PNLIPRP1: variants seen among roughly 807,000 people sequenced by gnomAD.
The protein encoded by PNLIPRP1 is pancreatic lipase related protein 1.
Under a neutral mutation model 54.6 loss-of-function variants are expected in PNLIPRP1, and 57 were observed. That is an observed-to-expected ratio of 1.04 (90% CI 0.84 to 1.30). PNLIPRP1 has a LOEUF of 1.30. PNLIPRP1 is among the 50% of genes most tolerant of loss of function. The pLI, the probability that PNLIPRP1 is intolerant of heterozygous loss-of-function variation, is 0.00. For missense variants in PNLIPRP1, 567 were observed against 568.5 expected, an observed-to-expected ratio of 1.00 and a Z score of 0.03; for synonymous variants, 232 against 208.8, an observed-to-expected ratio of 1.11 and a Z score of -0.96.
chr10:116,603,815 C>A (rs1242523516), intron 10 of PNLIPRP1, among the ~76,000 whole-genome samples: 1 of 152,118 alleles, frequency 6.6e-6, no homozygotes, highest in East Asian at 1.9e-4. Flanking sequence ...ATTACTTGAA[C>A]CTGGGAGGCA....
chr10:116,601,197 C>T lies in PNLIPRP1; in HGVS notation c.1059C>T (p.Phe353=), dbSNP rs138851493. 6.0e-5 allele frequency: 96 copies of T among 1,612,072 alleles called. No individual in the cohort carries two copies. Among genetic ancestry groups the T allele is most frequent in the Admixed American group, 2.2e-4 (13 of 59,480 alleles). The part of the protein sequence containing the change: ...FFLNTGEASN[F]ARWRYGVSIT... ...TGAACACAGGAGAGGCTAGCAATTT[C>T]GCTCGTAAGTTGCACTTTGACTACC... is the stretch of plus-strand genomic sequence containing the variant. Residue 353 remains phenylalanine (F), a synonymous_variant, in exon 10 of 13, where the codon TTC becomes TTT. Coordinates refer to ENST00000358834, the MANE Select transcript of PNLIPRP1 (RefSeq NM_006229.4).
At position 116,608,965 on chromosome 10, in the gene PNLIPRP1, AC is replaced by A; in HGVS notation, c.1341-86del. The A allele has an allele frequency of 3.8e-6, 4 of 1,057,538 alleles. No individual in the cohort carries two copies. The Admixed American group carries it at 6.9e-5, about 18-fold the overall frequency. 65.5% of individuals were successfully genotyped at this position (1,057,538 alleles called of 1,614,324 possible). Reference sequence around the variant, plus strand: ...GGCTTAACCCCTTAAGAAAAACCAAACCAAACCAAACCAAACCAAAACAAAA... The same window carrying A: ...GGCTTAACCCCTTAAGAAAAACCAAACAAACCAAACCAAACCAAAACAAAA... On this transcript the variant is annotated intron_variant, in intron 12 of 12. Transcript: ENST00000358834.
At chr10:116,592,822 T>A (rs1338895513) in intron 4 of PNLIPRP1, 3 of 451,814 alleles carry the variant, frequency 6.6e-6, no homozygotes, top group Non-Finnish European at 8.3e-6. Flanking sequence ...GTACTTTGTA[T>A]CCTATAAGCG....
chr10:116,600,022 C>G (rs1408929029), intron 8 of PNLIPRP1, 25 bp from the exon 9 acceptor site: 1 of 1,502,616 alleles, frequency 6.7e-7, no homozygotes, highest in African/African-American at 1.4e-5. Flanking sequence ...ACCACCTGTT[C>G]AGGTCTCCTT....
rs1847922096 is a variant in PNLIPRP1, at chr10:116,605,523, T to C, written c.1310T>C (p.Ile437Thr). ...PTLPKVGATKITVQKGEEKTV... is the reference protein window; with the variant it reads ...PTLPKVGATKTTVQKGEEKTV... ...CTCCCCAAAGTGGGTGCCACCAAGA[T>C]CACTGTGCAAAAGGGAGAAGAGAAG... The change falls in exon 12 of 13, where the codon ATC (isoleucine) becomes ACC (threonine). Residue 437 changes from isoleucine to threonine, a missense_variant. Coordinates refer to ENST00000358834, the MANE Select transcript of PNLIPRP1 (RefSeq NM_006229.4). The C allele has an allele frequency of 6.2e-7, 1 of 1,609,034 alleles. No homozygotes were observed. The highest frequency in any genetic ancestry group is 1.1e-5 in the South Asian group (1 of 90,128).
chr10:116,608,415 G>A (rs528137375), intron 12 of PNLIPRP1, among the ~76,000 whole-genome samples: 10 of 152,280 alleles, frequency 6.6e-5, no homozygotes, highest in South Asian at 4.1e-4. Context: ...CAGGTCCCCC[G>A]ACTCCAGAGC....
intron 8 of PNLIPRP1, 33 bp from the exon 9 acceptor site, chr10:116,600,014 C>T (rs199855159): frequency 1.4e-6 from 2 of 1,426,894 alleles, no homozygotes; most frequent in East Asian, 4.5e-5. Flanking sequence ...GGCCCCCAAC[C>T]ACCTGTTCAG....
At chr10:116,600,024 G>A (rs782524165) in intron 8 of PNLIPRP1, 23 bp from the exon 9 acceptor site, 4 of 1,519,754 alleles carry the variant, frequency 2.6e-6, no homozygotes, top group Admixed American at 1.7e-5. Flanking sequence ...CACCTGTTCA[G>A]GTCTCCTTAT....
At chr10:116,606,972 A>C (rs1847945748) in intron 12 of PNLIPRP1, among the ~76,000 whole-genome samples, 1 of 152,062 alleles carries the variant, frequency 6.6e-6, no homozygotes, top group African/African-American at 2.4e-5. Flanking sequence ...ACACTGAATT[A>C]GTTGAATTAC....
intron 4 of PNLIPRP1, chr10:116,594,432 C>A (rs1554863671): frequency 5.8e-6 from 3 of 516,418 alleles, no homozygotes; most frequent in East Asian, 9.6e-5. Context: ...AAACAGGACT[C>A]TTTTCATGAT....
chr10:116,604,261 A>C (rs1847899056), intron 11 of PNLIPRP1, 123 bp downstream of exon 11: 2 of 532,744 alleles, frequency 3.8e-6, no homozygotes, highest in Non-Finnish European at 6.7e-6. Context: ...GTCATGCAAC[A>C]TGTAACAACA....
At chr10:116,603,490 C>T (rs1288570982) in intron 10 of PNLIPRP1, among the ~76,000 whole-genome samples, 1 of 152,196 alleles carries the variant, frequency 6.6e-6, no homozygotes, top group Admixed American at 6.5e-5. Flanking sequence ...TAAGCAGCCA[C>T]ATGTGGCTGG....
chr10:116,592,898 G>GC, intron 4 of PNLIPRP1: 1 of 362,904 alleles, frequency 2.8e-6, no homozygotes, highest in Admixed American at 3.8e-5. Context: ...ATGTGTTGCT[G>GC]TGACCACTTA....
rs782206324 is a variant in PNLIPRP1, at chr10:116,609,053, G to C, written c.1341G>C (p.Val447=). 2 of 1,610,858 alleles carry C rather than the reference G, an allele frequency of 1.2e-6. No individual in the cohort carries two copies. The highest frequency in any genetic ancestry group is 1.7e-6 in the Non-Finnish European group (2 of 1,177,138). The stretch of plus-strand genomic sequence containing the variant: ...TTACAAAGCTTCCTTTTCTCCCCAG[G>C]TACAACTTCTGTAGCGAAGACACAG... ...ITVQKGEEKT[V]YNFCSEDTVR... The change falls in exon 13 of 13, where the codon GTG becomes GTC. Residue 447 remains valine, a splice_region_variant and synonymous_variant. Coordinates refer to ENST00000358834, the MANE Select transcript of PNLIPRP1 (RefSeq NM_006229.4).
In PNLIPRP1 at chr10:116,596,340, G is replaced by A. The variant is rs1554863969; in HGVS notation, c.574+18G>A. The A allele has an allele frequency of 3.3e-6, 5 of 1,512,708 alleles. No homozygotes were observed. Among genetic ancestry groups the A allele is most frequent in the Non-Finnish European group, 4.6e-6 (5 of 1,091,278 alleles). 93.7% of individuals were successfully genotyped at this position (1,512,708 alleles called of 1,614,324 possible). On this transcript the variant is annotated intron_variant, in intron 6 of 12. Transcript: ENST00000358834. ...GATTACAGGTAAGGCCCCAGAGGCA[G>A]GGCCCCAGTTTTGTCCCCAGAAACC... is the stretch of plus-strand genomic sequence containing the variant.
chr10:116,608,054 C>A (rs1302398527), intron 12 of PNLIPRP1, among the ~76,000 whole-genome samples: 1 of 152,084 alleles, frequency 6.6e-6, no homozygotes, highest in Non-Finnish European at 1.5e-5. Context: ...CAGGGTCTCA[C>A]CATGTTGGCC....
intron 8 of PNLIPRP1, 119 bp from the exon 9 acceptor site, chr10:116,599,928 T>C: frequency 1.4e-6 from 1 of 704,656 alleles, no homozygotes; most frequent in Non-Finnish European, 2.6e-6. Flanking sequence ...AATTTTGGAT[T>C]TATCTTAAGT....
chr10:116,596,035 T>G, intron 5 of PNLIPRP1, 179 bp from the exon 6 acceptor site: 4 of 595,236 alleles, frequency 6.7e-6, no homozygotes, highest in Non-Finnish European at 1.2e-5. Context: ...GGCTGAAGAG[T>G]CTAGAAAAAT....
chr10:116,597,520 G>A (rs1007938911), intron 6 of PNLIPRP1, among the ~76,000 whole-genome samples: 12 of 152,218 alleles, frequency 7.9e-5, no homozygotes, highest in African/African-American at 2.9e-4. Context: ...GGAGAGAAAG[G>A]ATGATGAAGA....
Sources: gnomAD v4.1 joint callset for allele counts (sites outside exome capture counted in the v4.1 genomes callset) on GRCh38, gnomAD v4.1.1 for gene constraint, MANE v1.5 for transcripts, NCBI Gene and HGNC (gene_info 2026-07-23, HGNC 2026-07-21) for gene names.